Variants in FAM186A observed in about 807,000 individuals in gnomAD.
FAM186A encodes the protein protein FAM186A.
A neutral mutation model predicts 216.8 loss-of-function variants in FAM186A; 163 were observed. That is an observed-to-expected ratio of 0.75 (90% CI 0.66 to 0.86). FAM186A has a LOEUF of 0.86. FAM186A is among the 40% of genes least tolerant of loss of function. The probability of loss-of-function intolerance (pLI) is 0.00; values close to 1 mark genes in which losing one functional copy is unlikely to be tolerated. For synonymous variants in FAM186A, 805 were observed against 1,025.3 expected, an observed-to-expected ratio of 0.79 and a Z score of 4.10; for missense variants, 2,184 against 2,746.2, an observed-to-expected ratio of 0.80 and a Z score of 4.58.
In FAM186A at chr12:50,334,089, T is replaced by C; in HGVS notation, c.6518A>G (p.Lys2173Arg). 1 of 1,545,116 alleles carries C rather than the reference T, an allele frequency of 6.5e-7. No homozygotes were observed. Among genetic ancestry groups the C allele is most frequent in the East Asian group, 2.4e-5 (1 of 40,888 alleles). ...LIQHARNNIM[K>R]RLKAIQNTGK... Reference sequence around the variant, plus strand: ...AGTATTTTGGATGGCTTTTAGTCGTTTCATTATGTTGTTCCTTGAAAAGAT... The same window carrying C: ...AGTATTTTGGATGGCTTTTAGTCGTCTCATTATGTTGTTCCTTGAAAAGAT... Residue 2173 changes from lysine to arginine, a missense_variant, in exon 5 of 8, where the codon AAA (lysine) becomes AGA (arginine). Coordinates refer to ENST00000327337, the MANE Select transcript of FAM186A (RefSeq NM_001145475.3).
Position 50,331,701 on chromosome 12 carries a change from C to T in FAM186A, c.6817G>A (p.Asp2273Asn), listed in dbSNP as rs1479730254. 4 of 1,546,370 alleles carry T rather than the reference C, an allele frequency of 2.6e-6. No individual in the cohort carries two copies. The African/African-American group carries it at 4.1e-5, about 16-fold the overall frequency. Residue 2273 changes from aspartate (D) to asparagine (N), a missense_variant, in exon 6 of 8, where the codon GAC (aspartate) becomes AAC (asparagine). Transcript: ENST00000327337. The stretch of plus-strand genomic sequence containing the variant: ...TTCTTGCATATGTCAGAGGTTCTGT[C>T]CTCTTCCATTAGTAATTTTAAGAAT... ...KPFLKLLMEEDRTSDICKKFR... is the reference protein window; with the variant it reads ...KPFLKLLMEENRTSDICKKFR...
At chr12:50,335,598 C>T (rs1405934480) in intron 4 of FAM186A, among the ~76,000 whole-genome samples, 1 of 151,224 alleles carries the variant, frequency 6.6e-6, no homozygotes, top group Non-Finnish European at 1.5e-5. Flanking sequence ...GAGCCGAGAT[C>T]GTGCCACTGC....
intron 1 of FAM186A, among the ~76,000 whole-genome samples, chr12:50,372,526 A>C (rs1943151138): frequency 6.6e-6 from 1 of 151,736 alleles, no homozygotes; most frequent in African/African-American, 2.4e-5. Context: ...CCTGGGAGGC[A>C]GAGGTTGCAG....
chr12:50,344,202 A>G (rs1488775202), intron 4 of FAM186A, among the ~76,000 whole-genome samples: 1 of 152,014 alleles, frequency 6.6e-6, no homozygotes, highest in African/African-American at 2.4e-5. Flanking sequence ...TTGGGGTACA[A>G]ATGATCCCAT....
intron 7 of FAM186A, 151 bp downstream of exon 7, chr12:50,330,422 G>A: frequency 1.4e-6 from 1 of 721,286 alleles, no homozygotes; most frequent in Non-Finnish European, 2.2e-6. Flanking sequence ...GAATTTACCT[G>A]TACTATTTTA....
intron 4 of FAM186A, among the ~76,000 whole-genome samples, chr12:50,349,148 C>A (rs1942850332): frequency 6.6e-6 from 1 of 151,618 alleles, no homozygotes; most frequent in Non-Finnish European, 1.5e-5. Context: ...TTTTTTTGTA[C>A]CCATTAACCA....
Position 50,352,982 on chromosome 12 carries a change from C to A in FAM186A, c.3850G>T (p.Ala1284Ser), listed in dbSNP as rs1565885476. The change falls in exon 4 of 8, where the codon GCT becomes TCT. Residue 1284 changes from alanine (A) to serine (S), a missense_variant. This residue lies in a region of FAM186A where 267 missense variants were observed against 446.2 expected (regional missense o/e 0.60). Coordinates refer to ENST00000327337, the MANE Select transcript of FAM186A (RefSeq NM_001145475.3). The stretch of plus-strand genomic sequence containing the variant: ...TTGAGAGGGATCCCCAATTCCTGAG[C>A]CTGCTTAGGGGTGAGAGTGATCCCC... ...ALGITLTPKQ[A>S]QELGIPLNPQ... is the part of the protein sequence containing the mutation. 2 of 1,531,934 alleles carry A rather than the reference C, an allele frequency of 1.3e-6. No homozygotes were observed. Among genetic ancestry groups the A allele is most frequent in the Non-Finnish European group, 8.8e-7 (1 of 1,136,064 alleles). 94.9% of individuals were successfully genotyped at this position (1,531,934 alleles called of 1,614,324 possible).
chr12:50,341,682 A>G (rs1398913117), intron 4 of FAM186A, among the ~76,000 whole-genome samples: 2 of 152,174 alleles, frequency 1.3e-5, no homozygotes, highest in Non-Finnish European at 2.9e-5. Flanking sequence ...TAAAAATACA[A>G]AAATTAGCTG....
At chr12:50,332,911 C>T (rs1942669762) in intron 5 of FAM186A, among the ~76,000 whole-genome samples, 1 of 151,716 alleles carries the variant, frequency 6.6e-6, no homozygotes, top group South Asian at 2.1e-4. Flanking sequence ...ACCTGTAATC[C>T]CAACTACTCG....
At position 50,368,961 on chromosome 12, in the gene FAM186A, C is replaced by CT. The variant is rs571588121; in HGVS notation, c.193-5598dup. ...GGCCATCCAATGAGGAAAGGACAGT[C>CT]TTTTAAAAAAAAAAAAAACACACAC... is the stretch of plus-strand genomic sequence containing the variant. On this transcript the variant is annotated intron_variant, in intron 1 of 7. Transcript: ENST00000327337. 2.5e-3 allele frequency among the ~76,000 whole-genome samples: 368 copies of CT among 145,056 alleles called. 1 individual carries two copies. The highest frequency in any genetic ancestry group is 0.016 in the South Asian group (74 of 4,598).
intron 4 of FAM186A, among the ~76,000 whole-genome samples, chr12:50,345,136 G>A (rs768685849): frequency 1.2e-4 from 18 of 151,758 alleles, no homozygotes; most frequent in South Asian, 2.1e-4. Context: ...GCAAAACTTC[G>A]TCTAAAAAAC....
chr12:50,368,199 C>T (rs1236671089), intron 1 of FAM186A, among the ~76,000 whole-genome samples: 2 of 150,244 alleles, frequency 1.3e-5, no homozygotes, highest in Non-Finnish European at 1.5e-5. Flanking sequence ...GTCAGGAGTT[C>T]GTGACAAGCC....
chr12:50,385,065 A>T lies in FAM186A; in HGVS notation c.192+11228T>A, dbSNP rs1338400813. ...GGTGATCCACCCGCCTTGGCCTCCCAAAGTGCTGGGATTACAGACATGAGC... is the reference window on the plus strand; with the variant it reads ...GGTGATCCACCCGCCTTGGCCTCCCTAAGTGCTGGGATTACAGACATGAGC... On this transcript the variant is annotated intron_variant, in intron 1 of 7. Transcript: ENST00000327337. Among the ~76,000 whole-genome samples, 9 of 150,074 alleles carry T rather than the reference A, an allele frequency of 6.0e-5. No homozygotes were observed. The East Asian group carries it at 1.9e-3, about 31-fold the overall frequency.
At chr12:50,382,052 G>A (rs998400129) in intron 1 of FAM186A, among the ~76,000 whole-genome samples, 1 of 152,012 alleles carries the variant, frequency 6.6e-6, no homozygotes, top group African/African-American at 2.4e-5. Flanking sequence ...TGGTGATTTG[G>A]GGTTAGTCCC....
intron 1 of FAM186A, among the ~76,000 whole-genome samples, chr12:50,372,318 G>A (rs1400440230): frequency 1.3e-5 from 2 of 151,992 alleles, no homozygotes; most frequent in Non-Finnish European, 1.5e-5. Context: ...AATACGCCAG[G>A]TGCAGTGGCT....
chr12:50,349,394 G>A (rs1430517900), intron 4 of FAM186A, among the ~76,000 whole-genome samples: 3 of 151,882 alleles, frequency 2.0e-5, no homozygotes, highest in Admixed American at 2.0e-4. Context: ...TCAATTTGTT[G>A]TCCAGGCTTG....
chr12:50,392,987 C>A (rs780781481), intron 1 of FAM186A, among the ~76,000 whole-genome samples: 61 of 148,596 alleles, frequency 4.1e-4, no homozygotes, highest in Non-Finnish European at 7.4e-4. Context: ...AGTGCGGTGG[C>A]GCAATCTTGG....
In FAM186A at chr12:50,354,286, A is replaced by G. The variant is rs1484486779; in HGVS notation, c.2546T>C (p.Leu849Pro). 78 of 1,551,308 alleles carry G rather than the reference A, an allele frequency of 5.0e-5. No individual in the cohort carries two copies. The highest frequency in any genetic ancestry group is 6.7e-5 in the Non-Finnish European group (77 of 1,146,974). ...TATCTTCTCATAGTGCTCCTTCAAG[A>G]GATTTCTTTCTCCCAGCAACTGCTG... ...LKQQLLGERN[L>P]LKEHYEKISE... Residue 849 changes from leucine to proline, a missense_variant, in exon 4 of 8, where the codon CTC (leucine) becomes CCC (proline). Physicochemically the swap from Leu to Pro is moderately conservative, Grantham distance 98. Around this residue, in one of 7 missense-constraint regions of FAM186A, gnomAD observed 1,132 missense variants for 1,263.4 expected, o/e 0.90. Transcript: ENST00000327337.
intron 1 of FAM186A, among the ~76,000 whole-genome samples, chr12:50,373,010 A>G (rs796838418): frequency 0.13 from 11,778 of 89,740 alleles, 1,587 homozygotes; most frequent in Non-Finnish European, 0.16. Flanking sequence ...AAAGAAAGAA[A>G]GAAAGAAAGA....
Sources: gnomAD v4.1 joint callset for allele counts (sites outside exome capture counted in the v4.1 genomes callset) on GRCh38, gnomAD v4.1.1 for gene constraint, gnomAD v4.1.1 regional missense constraint, MANE v1.5 for transcripts, NCBI Gene and HGNC (gene_info 2026-07-23, HGNC 2026-07-21) for gene names.